The following SWT1 variants were observed in gnomAD, a reference collection of about 807,000 sequenced individuals.
SWT1 encodes transcriptional protein SWT1.
In SWT1, 33 loss-of-function variants were observed where a neutral mutation model predicts 107.3. The observed-to-expected ratio is 0.31, with a 90% confidence interval of 0.23 to 0.41. SWT1 has a LOEUF of 0.41. Ranked by LOEUF, SWT1 falls within the 10% of genes least tolerant of loss-of-function variation. SWT1 has a pLI of 1.00. For missense variants in SWT1, 898 were observed against 1,028.9 expected (o/e 0.87, Z 1.74); for synonymous variants, 345 against 348.3 (o/e 0.99, Z 0.11).
chr1:185,191,511 C>T (rs1273758952), intron 10 of SWT1, among the ~76,000 whole-genome samples: 1 of 152,030 alleles, frequency 6.6e-6, no homozygotes, highest in East Asian at 1.9e-4. Flanking sequence ...AATGGAGCTA[C>T]TATAGAAATC....
Position 185,180,288 on chromosome 1 carries a change from C to G in SWT1, c.967-103C>G, listed in dbSNP as rs983464859. 6 of 896,374 alleles carry G rather than the reference C, an allele frequency of 6.7e-6. No individual in the cohort carries two copies. The African/African-American group carries it at 8.2e-5, about 12-fold the overall frequency. 55.5% of individuals were successfully genotyped at this position (896,374 alleles called of 1,614,324 possible). The stretch of plus-strand genomic sequence containing the variant: ...CCATCCTGCAATATACAGGGCAACC[C>G]CTAAAGTGAATTATCTGACCCTGAA... On this transcript the variant is annotated intron_variant, in intron 5 of 18. Transcript: ENST00000367500.
intron 1 of SWT1, 132 bp from the exon 2 acceptor site, chr1:185,160,701 C>CA (rs928036790): frequency 1.1e-3 from 713 of 626,392 alleles, no homozygotes; most frequent in Middle Eastern, 1.4e-3. Flanking sequence ...GACTCCATCT[C>CA]AAAAAAAAAT....
intron 16 of SWT1, among the ~76,000 whole-genome samples, chr1:185,270,258 T>A (rs1663757072): frequency 6.8e-6 from 1 of 147,976 alleles, no homozygotes; most frequent in South Asian, 2.1e-4. Flanking sequence ...CACTACACTG[T>A]ACCAAAATGA....
In SWT1 at chr1:185,168,332, T is replaced by TTA. The variant is rs1553250554; in HGVS notation, c.166-8_166-7insTA. 96 of 1,263,836 alleles carry TTA rather than the reference T, an allele frequency of 7.6e-5. 1 individual carries two copies. Among genetic ancestry groups the TTA allele is most frequent in the Non-Finnish European group, 9.6e-5 (90 of 937,570 alleles). 78.3% of individuals were successfully genotyped at this position (1,263,836 alleles called of 1,614,324 possible). A position where few individuals can be genotyped will look rare whatever the true frequency, so the allele number is the denominator to read the frequency against. ...ACAATTTATGTGTCCTTTTTTTATT[T>TTA]ATTTCAGAAATCAGATCATACAGAT... On this transcript the variant is annotated splice_polypyrimidine_tract_variant and splice_region_variant and intron_variant, in intron 3 of 18. Coordinates refer to ENST00000367500, the MANE Select transcript of SWT1 (RefSeq NM_017673.7).
chr1:185,256,129 A>G (rs1005671652), intron 16 of SWT1, among the ~76,000 whole-genome samples: 24 of 150,672 alleles, frequency 1.6e-4, no homozygotes, highest in African/African-American at 5.6e-4. Context: ...TCTGGCTTGT[A>G]GGGTTTCTGC....
At chr1:185,252,404 TA>T (rs1357857735) in intron 16 of SWT1, among the ~76,000 whole-genome samples, 1 of 152,224 alleles carries the variant, frequency 6.6e-6, no homozygotes, top group African/African-American at 2.4e-5. Flanking sequence ...ACCAACAGTG[TA>T]AAAGTGTTCC....
chr1:185,207,724 A>G (rs1157583581), intron 13 of SWT1, among the ~76,000 whole-genome samples: 3 of 152,038 alleles, frequency 2.0e-5, no homozygotes, highest in African/African-American at 7.3e-5. Flanking sequence ...CAACATGGTA[A>G]AACTCCCTTT....
At chr1:185,184,458 A>AT in intron 8 of SWT1, 114 bp downstream of exon 8, 1 of 684,622 alleles carries the variant, frequency 1.5e-6, no homozygotes, top group Non-Finnish European at 2.5e-6. Flanking sequence ...TATGCTATAT[A>AT]TTAAGCATAT....
chr1:185,181,973 G>T lies in SWT1; in HGVS notation c.1054G>T (p.Ala352Ser). Residue 352 changes from alanine to serine, a missense_variant, in exon 7 of 19, where the codon GCA becomes TCA. Around this residue, in one of 6 missense-constraint regions of SWT1, gnomAD observed 94 missense variants for 114.5 expected, o/e 0.82. Transcript: ENST00000367500. ...EMQIVEELHAARVGKSVDLPG... is the reference protein window; with the variant it reads ...EMQIVEELHASRVGKSVDLPG... ...GCAGATAGTAGAAGAGCTTCATGCT[G>T]CACGTGTGGGAAAAAGTGTGGATTT... The T allele has an allele frequency of 6.2e-7, 1 of 1,613,884 alleles. No homozygotes were observed. The highest frequency in any genetic ancestry group is 8.5e-7 in the Non-Finnish European group (1 of 1,179,904).
chr1:185,199,727 G>A (rs948692844), intron 10 of SWT1, among the ~76,000 whole-genome samples: 1 of 152,072 alleles, frequency 6.6e-6, no homozygotes, highest in Admixed American at 6.6e-5. Flanking sequence ...GTGTCTTGGG[G>A]TTGCTCTTCT....
At chr1:185,263,175 C>T (rs1663147327) in intron 16 of SWT1, 1 of 152,140 alleles carries the variant, frequency 6.6e-6, no homozygotes, top group South Asian at 2.1e-4. Flanking sequence ...CTCTTTAAAG[C>T]CCTTATCTCC....
intron 2 of SWT1, among the ~76,000 whole-genome samples, chr1:185,161,424 G>C (rs186472422): frequency 2.7e-4 from 41 of 152,202 alleles, no homozygotes; most frequent in Admixed American, 2.6e-3. Context: ...GTGTTTTGGG[G>C]CTGAGTGTGG....
intron 16 of SWT1, among the ~76,000 whole-genome samples, chr1:185,235,824 C>T (rs1481362460): frequency 6.6e-6 from 1 of 152,290 alleles, no homozygotes. Flanking sequence ...AGCCCAAAAT[C>T]TCCTTAAGCT....
chr1:185,199,998 C>T (rs1657731063), intron 10 of SWT1, among the ~76,000 whole-genome samples: 1 of 151,920 alleles, frequency 6.6e-6, no homozygotes, highest in Non-Finnish European at 1.5e-5. Flanking sequence ...TTAAGTTGAT[C>T]TTCAGTTTGT....
chr1:185,287,377 C>T lies in SWT1; in HGVS notation c.2574-3297C>T, dbSNP rs186668815. On this transcript the variant is annotated intron_variant, in intron 18 of 18. Coordinates refer to ENST00000367500, the MANE Select transcript of SWT1 (RefSeq NM_017673.7). The stretch of plus-strand genomic sequence containing the variant: ...TGAATCGCAGAACCAGAAGCAACCT[C>T]CAGTTTTGAGCTCTGTTCTCGAAAG... Among the ~76,000 whole-genome samples, 7 of 152,244 alleles carry T rather than the reference C, an allele frequency of 4.6e-5. No individual in the cohort carries two copies. In the East Asian group the frequency reaches 1.2e-3, roughly 25 times the overall value.
At chr1:185,220,799 G>A (rs969676685) in intron 14 of SWT1, among the ~76,000 whole-genome samples, 9 of 152,138 alleles carry the variant, frequency 5.9e-5, no homozygotes, top group South Asian at 2.1e-4. Flanking sequence ...ACAGTTTATT[G>A]CTACTACACT....
intron 13 of SWT1, among the ~76,000 whole-genome samples, chr1:185,209,293 T>G (rs1310810011): frequency 6.6e-6 from 1 of 152,090 alleles, no homozygotes; most frequent in Non-Finnish European, 1.5e-5. Context: ...GTCTGTTACA[T>G]AGGTATACAC....
intron 16 of SWT1, among the ~76,000 whole-genome samples, chr1:185,255,364 A>G (rs1467009240): frequency 6.9e-6 from 1 of 144,536 alleles, no homozygotes; most frequent in Admixed American, 6.8e-5. Context: ...TGATCTGTCT[A>G]ATGTTGACAG....
intron 16 of SWT1, among the ~76,000 whole-genome samples, chr1:185,265,126 T>G (rs896593198): frequency 3.3e-5 from 5 of 152,154 alleles, no homozygotes; most frequent in Admixed American, 1.3e-4. Flanking sequence ...TATCAAAAGT[T>G]TTTATGTTTA....
Sources: gnomAD v4.1 joint callset for allele counts (sites outside exome capture counted in the v4.1 genomes callset) on GRCh38, gnomAD v4.1.1 for gene constraint, gnomAD v4.1.1 regional missense constraint, MANE v1.5 for transcripts, NCBI Gene and HGNC (gene_info 2026-07-23, HGNC 2026-07-21) for gene names.